Variants in SINHCAF observed in about 807,000 individuals in gnomAD.
SINHCAF encodes SIN3-HDAC complex-associated factor.
SINHCAF carries 3 observed loss-of-function variants against 25.8 expected under a neutral mutation model. That is an observed-to-expected ratio of 0.12 (90% confidence interval 0.05 to 0.30). The LOEUF is 0.30. Ranked by LOEUF, SINHCAF falls within the 10% of genes least tolerant of loss-of-function variation. The probability of loss-of-function intolerance (pLI) is 1.00; values close to 1 mark genes in which losing one functional copy is unlikely to be tolerated. For synonymous variants in SINHCAF, 70 were observed against 85.5 expected (o/e 0.82, Z 1.00); for missense variants, 121 against 262.3 (o/e 0.46, Z 3.72).
chr12:31,314,711 T>C (rs937552918), intron 1 of SINHCAF, among the ~76,000 whole-genome samples: 4 of 152,208 alleles, frequency 2.6e-5, no homozygotes, highest in Non-Finnish European at 4.4e-5. Context: ...TTTGCTACTT[T>C]CAAGATACCA....
intron 1 of SINHCAF, among the ~76,000 whole-genome samples, chr12:31,301,503 C>A (rs1365325086): frequency 1.3e-5 from 2 of 152,198 alleles, no homozygotes; most frequent in African/African-American, 4.8e-5. Flanking sequence ...TTATGCAACA[C>A]ACAAGGAGCA....
chr12:31,283,489 G>A (rs976528485), intron 5 of SINHCAF, among the ~76,000 whole-genome samples: 3 of 152,056 alleles, frequency 2.0e-5, no homozygotes, highest in Non-Finnish European at 4.4e-5. Flanking sequence ...TGTAGTCCCA[G>A]CTACTTGGGA....
chr12:31,312,201 T>C (rs1939297522), intron 1 of SINHCAF, among the ~76,000 whole-genome samples: 1 of 152,246 alleles, frequency 6.6e-6, no homozygotes, highest in African/African-American at 2.4e-5. Flanking sequence ...TGTTCAACAT[T>C]TGTGAGATTT....
rs1565510393 is a variant in SINHCAF, at chr12:31,325,419, C to T, written c.-21+605G>A. The T allele has an allele frequency of 5.7e-6, 2 of 352,432 alleles. No homozygotes were observed. The highest frequency in any genetic ancestry group is 1.1e-5 in the Non-Finnish European group (2 of 177,036). The allele number at this position is 352,432 out of a possible 1,614,324, so 21.8% of individuals were successfully genotyped here. ...GCGCTCCGGCAGAGCCCAGCACTGACCCCCAAAGGCCGATTTAAAGACCCT... is the reference window on the plus strand; with the variant it reads ...GCGCTCCGGCAGAGCCCAGCACTGATCCCCAAAGGCCGATTTAAAGACCCT... On this transcript the variant is annotated intron_variant, in intron 1 of 5. Coordinates refer to ENST00000337682, the MANE Select transcript of SINHCAF (RefSeq NM_001135812.2). The surrounding 1 kb of genome is among the most constrained non-coding windows in gnomAD (Gnocchi z 5.9).
At chr12:31,320,488 C>T (rs1939656348) in intron 1 of SINHCAF, among the ~76,000 whole-genome samples, 2 of 152,134 alleles carry the variant, frequency 1.3e-5, no homozygotes, top group Middle Eastern at 3.2e-3. Flanking sequence ...CGCTGTAGAG[C>T]AGAAACTAAG....
intron 4 of SINHCAF, 93 bp from the exon 5 acceptor site, chr12:31,287,877 G>C: frequency 1.2e-6 from 1 of 832,226 alleles, no homozygotes; most frequent in Non-Finnish European, 1.7e-6. Flanking sequence ...GAAAGAGTTG[G>C]TAAAAAAGAA....
chr12:31,309,985 A>T (rs1939201572), intron 1 of SINHCAF, among the ~76,000 whole-genome samples: 1 of 151,968 alleles, frequency 6.6e-6, no homozygotes, highest in African/African-American at 2.4e-5. Flanking sequence ...ATATATTATG[A>T]GGGCATTTTT....
chr12:31,283,620 G>A (rs1039914168), intron 5 of SINHCAF, among the ~76,000 whole-genome samples: 1 of 151,706 alleles, frequency 6.6e-6, no homozygotes, highest in African/African-American at 2.4e-5. Context: ...AACAAAAAAG[G>A]GTGTGTGTTA....
Position 31,282,907 on chromosome 12 carries a change from A to C in SINHCAF, c.507-36T>G, listed in dbSNP as rs1937866351. 3.3e-6 allele frequency: 5 copies of C among 1,496,584 alleles called. No homozygotes were observed. The East Asian group carries it at 1.1e-4, about 34-fold the overall frequency. The allele number at this position is 1,496,584 out of a possible 1,614,324, so 92.7% of individuals were successfully genotyped here. A position where few individuals can be genotyped will look rare whatever the true frequency, so the allele number is the denominator to read the frequency against. On this transcript the variant is annotated intron_variant, in intron 5 of 5. Coordinates refer to ENST00000337682, the MANE Select transcript of SINHCAF (RefSeq NM_001135812.2). The stretch of plus-strand genomic sequence containing the variant: ...AAATGGAGAACAAGATACATTAATA[A>C]GGAAGAAAAATAGGAATACAAAAGA...
At chr12:31,312,159 T>A in intron 1 of SINHCAF, 1 of 367,066 alleles carries the variant, frequency 2.7e-6, no homozygotes, top group Non-Finnish European at 5.2e-6. Context: ...ATTGGAACTA[T>A]ACAGAATGTA....
chr12:31,317,124 G>A (rs1939524423), intron 1 of SINHCAF, among the ~76,000 whole-genome samples: 1 of 152,162 alleles, frequency 6.6e-6, no homozygotes, highest in South Asian at 2.1e-4. Context: ...CCACTGGGTG[G>A]ACTAGATGGA....
In SINHCAF at chr12:31,306,539, G is replaced by T. The variant is rs144599155; in HGVS notation, c.-20-8315C>A. Among the ~76,000 whole-genome samples, 1,217 of 152,226 alleles carry T rather than the reference G, an allele frequency of 8.0e-3. 7 individuals carry two copies. Among genetic ancestry groups the T allele is most frequent in the Non-Finnish European group, 0.013 (865 of 68,014 alleles). On this transcript the variant is annotated intron_variant, in intron 1 of 5. Transcript: ENST00000337682. ...GTTTCCAGGTAGATCTTTCTTCGAT[G>T]AAAGCTAAGTCTTGGGTTTCCTTTA...
At chr12:31,322,465 CTCTT>C (rs1159617695) in intron 1 of SINHCAF, among the ~76,000 whole-genome samples, 4 of 152,144 alleles carry the variant, frequency 2.6e-5, no homozygotes, top group Non-Finnish European at 4.4e-5. Context: ...TCTTGACATG[CTCTT>C]TCTATTTAAT....
At chr12:31,306,451 T>TA (rs1939029235) in intron 1 of SINHCAF, among the ~76,000 whole-genome samples, 2 of 152,188 alleles carry the variant, frequency 1.3e-5, no homozygotes, top group Non-Finnish European at 2.9e-5. Flanking sequence ...CCCACTAGGA[T>TA]AATGGGTTTA....
intron 5 of SINHCAF, among the ~76,000 whole-genome samples, chr12:31,286,046 G>A (rs79298235): frequency 0.011 from 1,741 of 151,486 alleles, 16 homozygotes; most frequent in East Asian, 0.037. Flanking sequence ...CTTACACTAT[G>A]CACTAGGCAC....
intron 1 of SINHCAF, chr12:31,304,427 G>A (rs902815519): frequency 3.9e-5 from 6 of 152,166 alleles, no homozygotes; most frequent in African/African-American, 1.4e-4. Flanking sequence ...AGTAACGGTG[G>A]GAGGCCAGGA....
At chr12:31,283,401 G>A (rs905859847) in intron 5 of SINHCAF, among the ~76,000 whole-genome samples, 2 of 151,990 alleles carry the variant, frequency 1.3e-5, no homozygotes, top group Admixed American at 6.6e-5. Context: ...TCAGGAGTTC[G>A]AGATCAGCCT....
chr12:31,285,458 A>ACAC (rs1565488068), intron 5 of SINHCAF, among the ~76,000 whole-genome samples: 11 of 67,040 alleles, frequency 1.6e-4, no homozygotes, highest in African/African-American at 2.6e-4. Flanking sequence ...CACACACATA[A>ACAC]ATAAATGTTA....
intron 1 of SINHCAF, among the ~76,000 whole-genome samples, chr12:31,302,616 C>A (rs745373559): frequency 9.3e-5 from 14 of 151,028 alleles, no homozygotes; most frequent in Non-Finnish European, 1.3e-4. Context: ...GCAGATTACA[C>A]GAGGCACGGT....
Sources: allele counts gnomAD v4.1 joint callset (sites outside exome capture counted in the v4.1 genomes callset), GRCh38; gene constraint gnomAD v4.1.1; non-coding constraint Gnocchi (gnomAD v3.1); transcripts MANE v1.5; gene names NCBI Gene and HGNC (gene_info 2026-07-23, HGNC 2026-07-21).